Variants in DNAH14 observed in about 807,000 individuals in gnomAD.
DNAH14 encodes axonemal beta dynein heavy chain 14.
A neutral mutation model predicts 520.9 loss-of-function variants in DNAH14; 478 were observed. The ratio of observed to expected loss-of-function variants is 0.92; its 90% CI spans 0.85 to 0.99. DNAH14 has a LOEUF of 0.99. Among genes scored for constraint, DNAH14 ranks in the 50% least tolerant of loss-of-function variants. The pLI is 0.00. For missense variants in DNAH14, 4,831 were observed against 5,234.5 expected, an observed-to-expected ratio of 0.92 and a Z score of 2.38; for synonymous variants, 1,581 against 1,757.2, an observed-to-expected ratio of 0.90 and a Z score of 2.51.
intron 10 of DNAH14, among the ~76,000 whole-genome samples, chr1:225,009,388 C>T (rs1409946658): frequency 1.3e-5 from 2 of 152,082 alleles, no homozygotes; most frequent in African/African-American, 2.4e-5. Context: ...TTGTTTTTGT[C>T]AGGTTTTTCA....
At position 225,388,363 on chromosome 1, in the gene DNAH14, C is replaced by T. The variant is rs1490049884; in HGVS notation, c.13078-16C>T. 1 of 1,466,010 alleles carries T rather than the reference C, an allele frequency of 6.8e-7. No homozygotes were observed. The highest frequency in any genetic ancestry group is 9.3e-7 in the Non-Finnish European group (1 of 1,077,508). 90.8% of individuals were successfully genotyped at this position (1,466,010 alleles called of 1,614,324 possible). On this transcript the variant is annotated splice_polypyrimidine_tract_variant and intron_variant, in intron 81 of 85. Transcript: ENST00000682510. ...CAAAGAAAAAAAATGATGTGACTGT[C>T]TTTAAATCCCAACAGAAACACGCCT...
chr1:224,949,436 A>C (rs954789246), intron 1 of DNAH14, among the ~76,000 whole-genome samples: 1 of 152,172 alleles, frequency 6.6e-6, no homozygotes, highest in African/African-American at 2.4e-5. Flanking sequence ...CTGAAGGTTT[A>C]TGTCTGGAAA....
chr1:225,189,685 G>A (rs371645243), intron 37 of DNAH14, among the ~76,000 whole-genome samples: 1 of 151,106 alleles, frequency 6.6e-6, no homozygotes, highest in Non-Finnish European at 1.5e-5. Context: ...ATTGTCTTTG[G>A]GTCTAAAGTC....
At chr1:225,087,705 C>A (rs1319293307) in intron 21 of DNAH14, among the ~76,000 whole-genome samples, 3 of 152,124 alleles carry the variant, frequency 2.0e-5, no homozygotes, top group Admixed American at 6.5e-5. Flanking sequence ...TCTGGAGAAC[C>A]AATGGAGGCT....
intron 17 of DNAH14, among the ~76,000 whole-genome samples, chr1:225,057,199 T>G (rs2069234413): frequency 6.6e-6 from 1 of 152,214 alleles, no homozygotes; most frequent in Non-Finnish European, 1.5e-5. Flanking sequence ...GTATCCTCTT[T>G]TATTTCATTG....
chr1:224,933,063 A>G (rs2058797135), intron 1 of DNAH14, among the ~76,000 whole-genome samples: 1 of 152,132 alleles, frequency 6.6e-6, no homozygotes, highest in Admixed American at 6.6e-5. Context: ...ATCCATGAGC[A>G]TGGGATGCTT....
chr1:225,335,330 CGT>C (rs1282437473), intron 66 of DNAH14, among the ~76,000 whole-genome samples: 2,948 of 88,574 alleles, frequency 0.033, 409 homozygotes, highest in Admixed American at 0.044. Context: ...CACATATACA[CGT>C]GTGTACATGT....
intron 46 of DNAH14, among the ~76,000 whole-genome samples, chr1:225,261,679 C>A (rs943451900): frequency 8.6e-5 from 13 of 152,030 alleles, no homozygotes; most frequent in African/African-American, 3.1e-4. Context: ...AGTATTCCCT[C>A]CACTTCAATG....
At chr1:225,202,702 C>G (rs1048701530) in intron 38 of DNAH14, among the ~76,000 whole-genome samples, 9 of 152,156 alleles carry the variant, frequency 5.9e-5, no homozygotes, top group African/African-American at 2.2e-4. Context: ...TGAGTTCTGA[C>G]CAGGAGACTT....
At chr1:225,324,588 T>A in intron 63 of DNAH14, 149 bp from the exon 64 acceptor site, 1 of 911,526 alleles carries the variant, frequency 1.1e-6, no homozygotes, top group Non-Finnish European at 1.6e-6. Context: ...TTCACCATAA[T>A]AGGCAACTTT....
At chr1:225,099,165 G>C (rs1279692241) in intron 22 of DNAH14, among the ~76,000 whole-genome samples, 1 of 152,192 alleles carries the variant, frequency 6.6e-6, no homozygotes, top group Non-Finnish European at 1.5e-5. Flanking sequence ...TCTCCTCCTT[G>C]ACAGGATTTT....
Position 225,333,407 on chromosome 1 carries a change from C to T in DNAH14, c.9981C>T (p.Arg3327=). 6.4e-7 allele frequency: 1 copy of T among 1,551,466 alleles called. No individual in the cohort carries two copies. Among genetic ancestry groups the T allele is most frequent in the South Asian group, 1.2e-5 (1 of 84,040 alleles). Residue 3327 remains arginine (R), a synonymous_variant, in exon 66 of 86, where the codon CGC becomes CGT. Transcript: ENST00000682510. ...VYSGILTPEF[R]QLIVNKWETF... ...GTGGAATTTTAACACCAGAATTTCG[C>T]CAGTTGATTGTGAATAAATGGGAGA...
At chr1:225,172,947 T>G (rs2082875724) in intron 36 of DNAH14, among the ~76,000 whole-genome samples, 1 of 152,024 alleles carries the variant, frequency 6.6e-6, no homozygotes, top group Non-Finnish European at 1.5e-5. Flanking sequence ...CCCTCAGAAA[T>G]GATGCCACAT....
At chr1:225,058,352 T>C (rs1041250787) in intron 17 of DNAH14, among the ~76,000 whole-genome samples, 5 of 152,252 alleles carry the variant, frequency 3.3e-5, no homozygotes, top group African/African-American at 1.2e-4. Context: ...TGGTAGTTTG[T>C]ATTTCTGTGG....
intron 37 of DNAH14, among the ~76,000 whole-genome samples, chr1:225,190,995 G>A (rs1032145926): frequency 6.6e-6 from 1 of 151,824 alleles, no homozygotes; most frequent in Non-Finnish European, 1.5e-5. Context: ...TATGTTGTTA[G>A]TGTCACAAAC....
chr1:224,938,222 C>G (rs1264476353), intron 1 of DNAH14, among the ~76,000 whole-genome samples: 1 of 152,164 alleles, frequency 6.6e-6, no homozygotes, highest in East Asian at 1.9e-4. Context: ...TAAGCTTCCA[C>G]ACAGCAAAAG....
In DNAH14 at chr1:225,122,779, G is replaced by T. The variant is rs903156790; in HGVS notation, c.4167-748G>T. Among the ~76,000 whole-genome samples the T allele has an allele frequency of 3.3e-5, 5 of 151,836 alleles. No individual in the cohort carries two copies. The East Asian group carries it at 7.7e-4, about 23-fold the overall frequency. On this transcript the variant is annotated intron_variant, in intron 26 of 85. Transcript: ENST00000682510. ...TGACATATTTCTCCTCATCAGCAAT[G>T]ATAAAAAAACAAAAATAGATACCAT...
At chr1:225,381,053 A>G (rs1266866181) in intron 80 of DNAH14, among the ~76,000 whole-genome samples, 1 of 152,234 alleles carries the variant, frequency 6.6e-6, no homozygotes, top group Non-Finnish European at 1.5e-5. Context: ...TGTGACACAT[A>G]AATGTTATAT....
At chr1:225,058,483 T>C (rs983827369) in intron 17 of DNAH14, among the ~76,000 whole-genome samples, 3 of 152,206 alleles carry the variant, frequency 2.0e-5, no homozygotes, top group Non-Finnish European at 4.4e-5. Flanking sequence ...AAAAACCAGC[T>C]CCTGGATTCA....
Sources: gnomAD v4.1 joint callset for allele counts (sites outside exome capture counted in the v4.1 genomes callset) on GRCh38, gnomAD v4.1.1 for gene constraint, MANE v1.5 for transcripts, NCBI Gene and HGNC (gene_info 2026-07-23, HGNC 2026-07-21) for gene names.